Variants in CFAP61 observed in about 807,000 individuals in gnomAD.
CFAP61 encodes cilia and flagella associated protein 61.
In CFAP61, 107 loss-of-function variants were observed where a neutral mutation model predicts 135.6. The ratio of observed to expected loss-of-function variants is 0.79; its 90% CI spans 0.67 to 0.93. The LOEUF is 0.93. CFAP61 is among the 40% of genes least tolerant of loss of function. The probability of loss-of-function intolerance (pLI) is 0.00; values close to 1 mark genes in which losing one functional copy is unlikely to be tolerated. For synonymous variants in CFAP61, 575 were observed against 578.5 expected (o/e 0.99, Z 0.09); for missense variants, 1,507 against 1,556.2 (o/e 0.97, Z 0.53).
At chr20:20,190,992 G>A (rs776093638) in intron 14 of CFAP61, among the ~76,000 whole-genome samples, 4 of 151,992 alleles carry the variant, frequency 2.6e-5, no homozygotes, top group Admixed American at 6.6e-5. Context: ...GATGGGGCAC[G>A]CCTGTAGTCC....
chr20:20,279,987 A>G (rs975787024), intron 22 of CFAP61, among the ~76,000 whole-genome samples: 1 of 152,076 alleles, frequency 6.6e-6, no homozygotes, highest in Non-Finnish European at 1.5e-5. Flanking sequence ...GGGGATGAAT[A>G]TGTCCATCCT....
At chr20:20,071,742 GA>G (rs2045720434) in intron 3 of CFAP61, among the ~76,000 whole-genome samples, 1 of 152,126 alleles carries the variant, frequency 6.6e-6, no homozygotes, top group South Asian at 2.1e-4. Context: ...ACATGTGTGT[GA>G]ATGTGCACAC....
chr20:20,277,819 G>A (rs1481213200), intron 22 of CFAP61, among the ~76,000 whole-genome samples: 1 of 152,194 alleles, frequency 6.6e-6, no homozygotes, highest in African/African-American at 2.4e-5. Context: ...CACATGTCTG[G>A]CTGTTGATCC....
intron 4 of CFAP61, among the ~76,000 whole-genome samples, chr20:20,074,723 A>G (rs1015477664): frequency 6.6e-6 from 1 of 152,198 alleles, no homozygotes; most frequent in African/African-American, 2.4e-5. Flanking sequence ...GTTTATTAAC[A>G]TGACAGACTT....
intron 25 of CFAP61, among the ~76,000 whole-genome samples, chr20:20,313,092 TAC>T (rs1401766525): frequency 6.6e-6 from 1 of 152,182 alleles, no homozygotes; most frequent in African/African-American, 2.4e-5. Context: ...TATCTGGACA[TAC>T]AGTCTTTAGA....
At chr20:20,304,882 C>T (rs548200700) in intron 25 of CFAP61, among the ~76,000 whole-genome samples, 6 of 152,048 alleles carry the variant, frequency 3.9e-5, no homozygotes, top group Non-Finnish European at 7.4e-5. Context: ...CGTCTTTCAC[C>T]CCCACTTATC....
In CFAP61 at chr20:20,341,930, G is replaced by T; in HGVS notation, c.3513+9G>T. ...TCTTAGCCTCCAAGGAGGTAAGAGT[G>T]ATTAATGGATATGTGGATTATTCCT... On this transcript the variant is annotated intron_variant, in intron 26 of 26. Transcript: ENST00000245957. The T allele has an allele frequency of 1.3e-6, 2 of 1,570,016 alleles. No homozygotes were observed. The highest frequency in any genetic ancestry group is 1.8e-6 in the Non-Finnish European group (2 of 1,141,622).
intron 21 of CFAP61, among the ~76,000 whole-genome samples, chr20:20,271,133 G>GT (rs995385601): frequency 7.2e-5 from 11 of 151,770 alleles, no homozygotes; most frequent in African/African-American, 2.7e-4. Flanking sequence ...CTCTACAAAA[G>GT]TTTTTTTTAA....
At chr20:20,274,862 A>G (rs1429731681) in intron 21 of CFAP61, among the ~76,000 whole-genome samples, 1 of 152,196 alleles carries the variant, frequency 6.6e-6, no homozygotes, top group Admixed American at 6.5e-5. Context: ...AAATGAAAGA[A>G]CTATAACTAG....
At position 20,117,444 on chromosome 20, in the gene CFAP61, ATGTGTCTGCTTTT is replaced by A. The variant is rs575909000; in HGVS notation, c.859+18632_859+18644del. ...GTTCTCTATTCTGTTCCATTGGTCTATGTGTCTGCTTTTTACACCAGTACCATGCTAATTTGGT... is the reference window on the plus strand; with the variant it reads ...GTTCTCTATTCTGTTCCATTGGTCTATACACCAGTACCATGCTAATTTGGT... On this transcript the variant is annotated intron_variant, in intron 8 of 26. Transcript: ENST00000245957. Among the ~76,000 whole-genome samples, 104 of 152,310 alleles carry A rather than the reference ATGTGTCTGCTTTT, an allele frequency of 6.8e-4. 1 individual carries two copies. Among genetic ancestry groups the A allele is most frequent in the African/African-American group, 2.4e-3 (98 of 41,564 alleles).
intron 17 of CFAP61, among the ~76,000 whole-genome samples, chr20:20,221,576 G>A (rs1839087428): frequency 1.3e-5 from 2 of 152,160 alleles, no homozygotes. Context: ...TTAGTGCTTT[G>A]AAATTTCTTT....
At chr20:20,181,209 A>G (rs552064686) in intron 13 of CFAP61, among the ~76,000 whole-genome samples, 2 of 135,074 alleles carry the variant, frequency 1.5e-5, no homozygotes, top group South Asian at 2.5e-4. Context: ...ATATATGTAT[A>G]TATACATATG....
chr20:20,313,827 T>C (rs2056963528), intron 25 of CFAP61, among the ~76,000 whole-genome samples: 2 of 152,146 alleles, frequency 1.3e-5, no homozygotes, highest in South Asian at 4.1e-4. Context: ...GGTGAGAGCT[T>C]CTCTGCTACG....
At chr20:20,344,634 C>G (rs536375565) in intron 26 of CFAP61, among the ~76,000 whole-genome samples, 28 of 152,148 alleles carry the variant, frequency 1.8e-4, no homozygotes, top group South Asian at 1.0e-3. Flanking sequence ...AAAGGGGAAC[C>G]CTCACATACT....
In CFAP61 at chr20:20,164,114, G is replaced by T. The variant is rs2053626676; in HGVS notation, c.1091G>T (p.Ser364Ile). The T allele has an allele frequency of 6.2e-7, 1 of 1,613,960 alleles. No individual in the cohort carries two copies. The highest frequency in any genetic ancestry group is 8.5e-7 in the Non-Finnish European group (1 of 1,179,978). Reference protein sequence around the residue: ...YAQYHHVSSRSLASLVLPEEP... With the variant: ...YAQYHHVSSRILASLVLPEEP... The stretch of plus-strand genomic sequence containing the variant: ...CAGTATCACCATGTCAGCAGTAGGA[G>T]CTTGGCATCGCTCGTACTGCCTGAA... The change falls in exon 11 of 27, where the codon AGC (serine) becomes ATC (isoleucine). Residue 364 changes from serine (S) to isoleucine (I), a missense_variant. Ser to Ile is a moderately radical substitution (Grantham distance 142, BLOSUM62 -2). Coordinates refer to ENST00000245957, the MANE Select transcript of CFAP61 (RefSeq NM_015585.4).
intron 2 of CFAP61, among the ~76,000 whole-genome samples, chr20:20,057,630 G>T (rs1198806738): frequency 2.6e-5 from 4 of 152,156 alleles, no homozygotes; most frequent in East Asian, 3.8e-4. Flanking sequence ...TTTCTTAAAA[G>T]ATCTTTTTTC....
chr20:20,192,248 G>A (rs542975663), intron 15 of CFAP61, among the ~76,000 whole-genome samples: 3 of 152,178 alleles, frequency 2.0e-5, no homozygotes, highest in African/African-American at 7.2e-5. Flanking sequence ...CTTCAAAAAC[G>A]TCTTGTGGCT....
At chr20:20,098,375 C>T (rs1398314965) in intron 7 of CFAP61, among the ~76,000 whole-genome samples, 3 of 151,420 alleles carry the variant, frequency 2.0e-5, no homozygotes, top group Admixed American at 6.6e-5. Flanking sequence ...TTTGGGAGGC[C>T]GAGGTGGGTG....
At chr20:20,078,395 C>T (rs574617996) in intron 6 of CFAP61, among the ~76,000 whole-genome samples, 2 of 152,232 alleles carry the variant, frequency 1.3e-5, no homozygotes, top group South Asian at 4.1e-4. Flanking sequence ...TAGCGCTTGG[C>T]TACCAGTTGG....
Sources: gnomAD v4.1 joint callset for allele counts (sites outside exome capture counted in the v4.1 genomes callset) on GRCh38, gnomAD v4.1.1 for gene constraint, MANE v1.5 for transcripts, NCBI Gene and HGNC (gene_info 2026-07-23, HGNC 2026-07-21) for gene names.